The following SLC25A42 variants were observed in gnomAD, a reference collection of about 807,000 sequenced individuals.
SLC25A42 encodes the protein mitochondrial coenzyme A transporter SLC25A42.
Under a neutral mutation model 34.7 loss-of-function variants are expected in SLC25A42, and 19 were observed. The observed-to-expected ratio is 0.55, with a 90% CI of 0.38 to 0.80. SLC25A42 has a LOEUF of 0.80. Ranked by LOEUF, SLC25A42 falls within the 30% of genes least tolerant of loss-of-function variation. The probability of loss-of-function intolerance (pLI) is 0.00; values close to 1 mark genes in which losing one functional copy is unlikely to be tolerated. For missense variants in SLC25A42, 364 were observed against 441.3 expected (o/e 0.82, Z 1.57); for synonymous variants, 205 against 191.2 (o/e 1.07, Z -0.59).
chr19:19,089,535 AT>A lies in SLC25A42; in HGVS notation c.-34-6555del, dbSNP rs757201142. The stretch of plus-strand genomic sequence containing the variant: ...AGAGCAAGACTCCATCTCAAAAAAA[AT>A]AATAATAATAATAATAATAAATTAT... On this transcript the variant is annotated intron_variant, in intron 1 of 7. Transcript: ENST00000318596. Among the ~76,000 whole-genome samples the A allele has an allele frequency of 9.7e-3, 1,288 of 132,416 alleles. 24 individuals are homozygous for A. The highest frequency in any genetic ancestry group is 0.035 in the African/African-American group (1,061 of 30,626). The allele number at this position is 132,416 out of a possible 152,430, so 86.9% of individuals were successfully genotyped here.
intron 2 of SLC25A42, among the ~76,000 whole-genome samples, chr19:19,098,789 G>A (rs1287047761): frequency 1.3e-5 from 2 of 152,066 alleles, no homozygotes; most frequent in Non-Finnish European, 2.9e-5. Context: ...GCAGGGTGGC[G>A]CGCAGCTGTA....
intron 6 of SLC25A42, among the ~76,000 whole-genome samples, chr19:19,107,098 G>A (rs1394308431): frequency 3.3e-5 from 5 of 151,604 alleles, no homozygotes; most frequent in East Asian, 2.0e-4. Flanking sequence ...CAGGAGGATC[G>A]CTTGAGCCCA....
In SLC25A42 at chr19:19,107,945, G is replaced by A. The variant is rs780933553; in HGVS notation, c.549G>A (p.Leu183=). The A allele has an allele frequency of 2.5e-6, 4 of 1,614,112 alleles. No individual in the cohort carries two copies. In the Admixed American group the frequency reaches 6.7e-5, roughly 27 times the overall value. The change falls in exon 7 of 8, where the codon CTG becomes CTA. Residue 183 remains leucine (L), a synonymous_variant. Coordinates refer to ENST00000318596, the MANE Select transcript of SLC25A42 (RefSeq NM_178526.5). ...VFIRISREEG[L]KTLYHGFMPT... ...TCCGCATCTCGAGAGAAGAGGGGCT[G>A]AAGACTCTCTACCATGGATTTATGC...
chr19:19,087,031 T>C (rs1289915295), intron 1 of SLC25A42, among the ~76,000 whole-genome samples: 2 of 152,186 alleles, frequency 1.3e-5, no homozygotes, highest in Non-Finnish European at 2.9e-5. Flanking sequence ...TGTTATTAAC[T>C]ATAGTCCTCA....
At chr19:19,069,832 T>TC (rs1297674678) in intron 1 of SLC25A42, among the ~76,000 whole-genome samples, 1 of 151,124 alleles carries the variant, frequency 6.6e-6, no homozygotes, top group Non-Finnish European at 1.5e-5. Context: ...CCTCTTCTTT[T>TC]TTTTTTTTTT....
At chr19:19,086,893 A>G (rs1376477781) in intron 1 of SLC25A42, among the ~76,000 whole-genome samples, 1 of 152,176 alleles carries the variant, frequency 6.6e-6, no homozygotes, top group Non-Finnish European at 1.5e-5. Context: ...TTTGATATAC[A>G]TATATAGTGA....
intron 1 of SLC25A42, 150 bp from the exon 2 acceptor site, chr19:19,095,941 G>T: frequency 1.4e-6 from 1 of 697,470 alleles, no homozygotes; most frequent in East Asian, 2.7e-5. Context: ...AAATGATTAA[G>T]CAGTACACAC....
intron 1 of SLC25A42, among the ~76,000 whole-genome samples, chr19:19,093,784 TC>T (rs1456976733): frequency 6.6e-6 from 1 of 152,148 alleles, no homozygotes; most frequent in African/African-American, 2.4e-5. Flanking sequence ...TTCAAGTGAT[TC>T]TTCTGACTCA....
At chr19:19,102,172 C>T (rs1235384345) in intron 3 of SLC25A42, among the ~76,000 whole-genome samples, 1 of 151,826 alleles carries the variant, frequency 6.6e-6, no homozygotes, top group Non-Finnish European at 1.5e-5. Flanking sequence ...CCATGCCCGG[C>T]CAATTTTTTT....
intron 1 of SLC25A42, among the ~76,000 whole-genome samples, chr19:19,072,688 AT>A (rs1037218462): frequency 6.9e-6 from 1 of 145,518 alleles, no homozygotes; most frequent in Non-Finnish European, 1.5e-5. Flanking sequence ...CAGCCAAAAA[AT>A]TTTTTTTAGA....
intron 1 of SLC25A42, among the ~76,000 whole-genome samples, chr19:19,092,337 G>C (rs981618843): frequency 6.6e-6 from 1 of 152,182 alleles, no homozygotes; most frequent in African/African-American, 2.4e-5. Flanking sequence ...AGCCCCAGCT[G>C]CCCTCAGTGC....
At chr19:19,085,667 C>T (rs903764639) in intron 1 of SLC25A42, among the ~76,000 whole-genome samples, 13 of 152,238 alleles carry the variant, frequency 8.5e-5, no homozygotes, top group African/African-American at 2.7e-4. Flanking sequence ...CCACCACACC[C>T]GGCCAATAGC....
intron 1 of SLC25A42, among the ~76,000 whole-genome samples, chr19:19,089,818 G>C (rs1222031274): frequency 1.3e-5 from 2 of 151,910 alleles, no homozygotes; most frequent in African/African-American, 4.8e-5. Context: ...ACAGTGAGCC[G>C]AGATCACACC....
chr19:19,103,987 A>G (rs1018412229), intron 3 of SLC25A42, among the ~76,000 whole-genome samples: 12 of 151,204 alleles, frequency 7.9e-5, no homozygotes, highest in African/African-American at 7.3e-5. Context: ...GCTCACCACA[A>G]CCTCCACCTC....
chr19:19,085,464 C>T (rs1472212819), intron 1 of SLC25A42, among the ~76,000 whole-genome samples: 1 of 151,980 alleles, frequency 6.6e-6, no homozygotes, highest in Non-Finnish European at 1.5e-5. Flanking sequence ...CCACTGCAAC[C>T]TCTGCTTCCG....
chr19:19,106,257 T>G lies in SLC25A42; in HGVS notation c.381-12T>G. ...TCACTGCCGTCTCGCCTTCTCCTCC[T>G]GCCCTGTTCAGAGCCCTGCCCCCTT... On this transcript the variant is annotated splice_polypyrimidine_tract_variant and intron_variant, in intron 5 of 7. Coordinates refer to ENST00000318596, the MANE Select transcript of SLC25A42 (RefSeq NM_178526.5). The G allele has an allele frequency of 6.2e-7, 1 of 1,607,580 alleles. No individual in the cohort carries two copies. Among genetic ancestry groups the G allele is most frequent in the South Asian group, 1.1e-5 (1 of 90,856 alleles).
intron 1 of SLC25A42, among the ~76,000 whole-genome samples, chr19:19,068,475 T>C (rs2059613465): frequency 6.6e-6 from 1 of 151,848 alleles, no homozygotes; most frequent in Admixed American, 6.6e-5. Context: ...AAGACCAGCC[T>C]AGCCAACATG....
intron 1 of SLC25A42, among the ~76,000 whole-genome samples, chr19:19,065,094 G>A (rs1413693649): frequency 6.6e-6 from 1 of 152,142 alleles, no homozygotes; most frequent in Non-Finnish European, 1.5e-5. Context: ...TATCTCAGAG[G>A]GATTGGCAGG....
chr19:19,110,786 C>T lies in SLC25A42; in HGVS notation c.867C>T (p.Ser289=), dbSNP rs774447264. The change falls in exon 8 of 8, where the codon AGC becomes AGT. Residue 289 remains serine (S), a synonymous_variant. Coordinates refer to ENST00000318596, the MANE Select transcript of SLC25A42 (RefSeq NM_178526.5). ...GAVRGLYKGL[S]MNWVKGPIAV... ...TGCGCGGCCTCTACAAAGGCTTGAG[C>T]ATGAACTGGGTCAAGGGTCCCATCG... The T allele has an allele frequency of 1.4e-5, 22 of 1,613,702 alleles. No homozygotes were observed. Among genetic ancestry groups the T allele is most frequent in the Non-Finnish European group, 1.9e-5 (22 of 1,180,016 alleles).
Sources: allele counts gnomAD v4.1 joint callset (sites outside exome capture counted in the v4.1 genomes callset), GRCh38; gene constraint gnomAD v4.1.1; transcripts MANE v1.5; gene names NCBI Gene and HGNC (gene_info 2026-07-23, HGNC 2026-07-21).